The following DIP2C variants were observed in gnomAD, a reference collection of about 807,000 sequenced individuals.
DIP2C encodes disco-interacting protein 2 homolog C.
Under a neutral mutation model 192.4 loss-of-function variants are expected in DIP2C, and 33 were observed. The observed-to-expected ratio is 0.17, with a 90% confidence interval of 0.13 to 0.23. The LOEUF (loss-of-function observed/expected upper bound fraction) is 0.23, where lower values mean the gene tolerates loss of function less well. Among genes scored for constraint, DIP2C ranks in the 10% least tolerant of loss-of-function variants. DIP2C has a pLI of 1.00. For missense variants in DIP2C, 1,537 were observed against 2,110.1 expected (o/e 0.73, Z 5.32); for synonymous variants, 979 against 864.1 (o/e 1.13, Z -2.33).
At chr10:650,026 C>T in intron 1 of DIP2C, 1 of 672,566 alleles carries the variant, frequency 1.5e-6, no homozygotes, top group Non-Finnish European at 2.7e-6. Flanking sequence ...ATTAGGAAGG[C>T]AATTCTGAGC....
At chr10:621,014 C>T (rs1853814019) in intron 1 of DIP2C, among the ~76,000 whole-genome samples, 1 of 152,192 alleles carries the variant, frequency 6.6e-6, no homozygotes, top group Admixed American at 6.5e-5. Flanking sequence ...TTTCAGTTGG[C>T]TGGTTCTGAC....
At chr10:563,811 A>C (rs1461904218) in intron 1 of DIP2C, among the ~76,000 whole-genome samples, 1 of 152,178 alleles carries the variant, frequency 6.6e-6, no homozygotes, top group East Asian at 1.9e-4. Flanking sequence ...ACCAATAGTC[A>C]AGAACAAGTT....
intron 24 of DIP2C, among the ~76,000 whole-genome samples, chr10:355,040 A>G (rs1959009877): frequency 6.6e-6 from 1 of 151,970 alleles, no homozygotes; most frequent in African/African-American, 2.4e-5. Flanking sequence ...AAAGATGAAA[A>G]GTGGAAGGTG....
intron 1 of DIP2C, among the ~76,000 whole-genome samples, chr10:547,510 G>A (rs1305126594): frequency 1.3e-5 from 2 of 152,192 alleles, no homozygotes; most frequent in Admixed American, 6.5e-5. Context: ...GAGGAAAGCA[G>A]GCAGACAGTG....
chr10:521,856 A>C lies in DIP2C; in HGVS notation c.86-35326T>G, dbSNP rs192254560. 2.0e-5 allele frequency among the ~76,000 whole-genome samples: 3 copies of C among 152,184 alleles called. No homozygotes were observed. In the East Asian group the frequency reaches 5.8e-4, roughly 29 times the overall value. ...GTCCTCACGTATCTCCTTCCCCAGCACATGCACAGCCTCCATCATTCCCCC... is the reference window on the plus strand; with the variant it reads ...GTCCTCACGTATCTCCTTCCCCAGCCCATGCACAGCCTCCATCATTCCCCC... On this transcript the variant is annotated intron_variant, in intron 1 of 36. Transcript: ENST00000280886.
chr10:448,622 T>C (rs1968545345), intron 3 of DIP2C, among the ~76,000 whole-genome samples: 1 of 124,070 alleles, frequency 8.1e-6, no homozygotes, highest in African/African-American at 3.4e-5. Flanking sequence ...CTCACTCCCG[T>C]CGATACTCAG....
chr10:510,242 G>C (rs1050635751), intron 1 of DIP2C, among the ~76,000 whole-genome samples: 3 of 152,206 alleles, frequency 2.0e-5, no homozygotes, highest in African/African-American at 7.2e-5. Flanking sequence ...CCCCAGTTTA[G>C]AGATGAGGAA....
At chr10:499,836 C>G (rs150016397) in intron 1 of DIP2C, among the ~76,000 whole-genome samples, 1,602 of 152,316 alleles carry the variant, frequency 0.011, 18 homozygotes, top group Non-Finnish European at 0.016. Flanking sequence ...TCTGAAATGT[C>G]TAGTTACCAT....
chr10:432,054 G>C (rs1278970553), intron 4 of DIP2C, among the ~76,000 whole-genome samples: 1 of 151,916 alleles, frequency 6.6e-6, no homozygotes, highest in East Asian at 1.9e-4. Context: ...TTGGATGCGT[G>C]AAACAAATTC....
intron 1 of DIP2C, among the ~76,000 whole-genome samples, chr10:608,970 T>C (rs1188625858): frequency 6.6e-6 from 1 of 151,562 alleles, no homozygotes; most frequent in Non-Finnish European, 1.5e-5. Flanking sequence ...TTAGAAGAAT[T>C]TGTTCCCCTA....
intron 29 of DIP2C, among the ~76,000 whole-genome samples, chr10:331,426 T>G (rs7081814): frequency 7.2e-5 from 11 of 152,294 alleles, no homozygotes; most frequent in African/African-American, 2.6e-4. Context: ...AAAGGACACA[T>G]AGCCCTCTGT....
chr10:441,091 C>T (rs1967691357), intron 3 of DIP2C, 95 bp from the exon 4 acceptor site: 1 of 1,385,226 alleles, frequency 7.2e-7, no homozygotes, highest in Middle Eastern at 2.2e-4. Context: ...AGTTCATCCA[C>T]CTTCTGAAAC....
chr10:297,794 G>C (rs1400308164), intron 32 of DIP2C, among the ~76,000 whole-genome samples: 1 of 152,154 alleles, frequency 6.6e-6, no homozygotes, highest in African/African-American at 2.4e-5. Context: ...CATTCAAATA[G>C]CTAGGAGGAA....
At chr10:342,285 A>G (rs1343700611) in intron 28 of DIP2C, among the ~76,000 whole-genome samples, 2 of 152,010 alleles carry the variant, frequency 1.3e-5, no homozygotes, top group Non-Finnish European at 2.9e-5. Context: ...CAGCCTCCCA[A>G]GGAGCTGGGG....
chr10:412,238 G>A (rs1965233316), intron 8 of DIP2C, among the ~76,000 whole-genome samples: 1 of 152,196 alleles, frequency 6.6e-6, no homozygotes, highest in Non-Finnish European at 1.5e-5. Flanking sequence ...TTAGTTCTGT[G>A]CCAATGCATA....
At chr10:477,865 CAGAG>C (rs1482597144) in intron 2 of DIP2C, among the ~76,000 whole-genome samples, 1 of 110,746 alleles carries the variant, frequency 9.0e-6, no homozygotes, top group Non-Finnish European at 1.8e-5. Context: ...GTGAAGGAAG[CAGAG>C]AGAAGAAAAC....
At position 283,285 on chromosome 10, in the gene DIP2C, T is replaced by C. The variant is rs1008491754; in HGVS notation, c.4281A>G (p.Thr1427=). ...CTGGACTCTCACCTCCATTTGCATC[T>C]GTGAGCTCAGTTCTCCGCAGGAACC... is the stretch of plus-strand genomic sequence containing the variant. ...YLGFLRRTEL[T]DANGERHDAL... Residue 1427 remains threonine (T), a synonymous_variant, in exon 35 of 37, where the codon ACA becomes ACG. Coordinates refer to ENST00000280886, the MANE Select transcript of DIP2C (RefSeq NM_014974.3). The C allele has an allele frequency of 9.3e-6, 15 of 1,613,734 alleles. No individual in the cohort carries two copies. The African/African-American group carries it at 1.5e-4, about 16-fold the overall frequency.
At chr10:291,469 G>A (rs1182393509) in intron 32 of DIP2C, among the ~76,000 whole-genome samples, 1 of 152,182 alleles carries the variant, frequency 6.6e-6, no homozygotes, top group Non-Finnish European at 1.5e-5. Context: ...ACAGCCAAGA[G>A]AGGAAAAAAG....
At chr10:637,071 G>T (rs1336081510) in intron 1 of DIP2C, among the ~76,000 whole-genome samples, 1 of 152,258 alleles carries the variant, frequency 6.6e-6, no homozygotes, top group African/African-American at 2.4e-5. Context: ...CAAGAACAGG[G>T]TCAAATCATA....
Sources: allele counts gnomAD v4.1 joint callset (sites outside exome capture counted in the v4.1 genomes callset), GRCh38; gene constraint gnomAD v4.1.1; transcripts MANE v1.5; gene names NCBI Gene and HGNC (gene_info 2026-07-23, HGNC 2026-07-21).